Variants in UGGT2 observed in about 807,000 individuals in gnomAD.
UGGT2 encodes the protein UDP-glucose glycoprotein glucosyltransferase 2.
In UGGT2, 180 loss-of-function variants were observed where a neutral mutation model predicts 192.1. The observed-to-expected ratio is 0.94, with a 90% CI of 0.83 to 1.06. The LOEUF is 1.06. UGGT2 is among the 50% of genes least tolerant of loss of function. The pLI is 0.00. For synonymous variants in UGGT2, 580 were observed against 591.0 expected (o/e 0.98, Z 0.27); for missense variants, 1,849 against 1,795.7 (o/e 1.03, Z -0.54).
chr13:95,824,640 T>A (rs1228657908), intron 38 of UGGT2, among the ~76,000 whole-genome samples: 10 of 152,140 alleles, frequency 6.6e-5, no homozygotes, highest in Non-Finnish European at 1.5e-4. Flanking sequence ...AGAGTTCTGA[T>A]TGATTTTTCT....
At chr13:95,957,250 G>A (rs2050237763) in intron 12 of UGGT2, among the ~76,000 whole-genome samples, 1 of 152,238 alleles carries the variant, frequency 6.6e-6, no homozygotes, top group African/African-American at 2.4e-5. Context: ...AAATGGTGGT[G>A]ATGGTTGTAC....
intron 6 of UGGT2, 22 bp from the exon 7 acceptor site, chr13:95,996,157 A>G (rs778747089): frequency 1.9e-6 from 3 of 1,572,380 alleles, no homozygotes; most frequent in Non-Finnish European, 2.6e-6. Flanking sequence ...AAACAAAACC[A>G]AAAAACAACA....
At chr13:95,980,247 C>G (rs2051075241) in intron 10 of UGGT2, among the ~76,000 whole-genome samples, 1 of 152,066 alleles carries the variant, frequency 6.6e-6, no homozygotes, top group African/African-American at 2.4e-5. Flanking sequence ...GCCCAAATAC[C>G]CTATACATAC....
rs549782309 is a variant in UGGT2, at chr13:96,009,991, TAAC to T, written c.660+3313_660+3315del. Among the ~76,000 whole-genome samples the T allele has an allele frequency of 5.1e-4, 78 of 152,030 alleles. 1 individual carries two copies. Among genetic ancestry groups the T allele is most frequent in the African/African-American group, 1.8e-3 (73 of 41,488 alleles). ...TGGCTACTATTAAAAAGTCAAAAAATAACAAGATTCTGGTGAGGTTGCAGAAAA... is the reference window on the plus strand; with the variant it reads ...TGGCTACTATTAAAAAGTCAAAAAATAAGATTCTGGTGAGGTTGCAGAAAA... On this transcript the variant is annotated intron_variant, in intron 5 of 38. Coordinates refer to ENST00000376747, the MANE Select transcript of UGGT2 (RefSeq NM_020121.4).
chr13:96,020,527 T>C (rs2139107423), intron 4 of UGGT2, among the ~76,000 whole-genome samples: 1 of 152,234 alleles, frequency 6.6e-6, no homozygotes, highest in East Asian at 1.9e-4. Flanking sequence ...AAAATACCAA[T>C]ACCAGTTATA....
intron 30 of UGGT2, among the ~76,000 whole-genome samples, chr13:95,864,441 A>G (rs1324678723): frequency 1.3e-5 from 2 of 152,122 alleles, no homozygotes; most frequent in Non-Finnish European, 2.9e-5. Context: ...CTAAAACTCT[A>G]TTTCCTCTGT....
At position 95,949,712 on chromosome 13, in the gene UGGT2, G is replaced by A. The variant is rs370270195; in HGVS notation, c.1336-258C>T. 1.5e-3 allele frequency among the ~76,000 whole-genome samples: 226 copies of A among 151,980 alleles called. 1 individual carries two copies. Among genetic ancestry groups the A allele is most frequent in the Non-Finnish European group, 2.7e-3 (184 of 67,986 alleles). The stretch of plus-strand genomic sequence containing the variant: ...TTGTGTTTGTTTTTCATATCCCAAC[G>A]TAAAATTGTATGAAAATTACTCTCC... On this transcript the variant is annotated intron_variant, in intron 12 of 38. Transcript: ENST00000376747.
chr13:95,802,500 A>G (rs1448953848), intron 38 of UGGT2, among the ~76,000 whole-genome samples: 1 of 152,242 alleles, frequency 6.6e-6, no homozygotes, highest in Non-Finnish European at 1.5e-5. Flanking sequence ...AGGAAAAACA[A>G]TAATGAGAAC....
intron 10 of UGGT2, among the ~76,000 whole-genome samples, chr13:95,978,569 C>G (rs937141287): frequency 2.6e-5 from 4 of 152,122 alleles, no homozygotes; most frequent in Non-Finnish European, 5.9e-5. Context: ...GTTGCCTGTG[C>G]TTTTCAGTTC....
intron 15 of UGGT2, 74 bp from the exon 16 acceptor site, chr13:95,940,165 GA>G (rs2049619132): frequency 1.1e-5 from 13 of 1,180,404 alleles, no homozygotes; most frequent in Non-Finnish European, 9.1e-6. Context: ...TTAGCATGCA[GA>G]TAGATTTTTA....
intron 34 of UGGT2, among the ~76,000 whole-genome samples, chr13:95,855,497 G>GTTTT (rs555723276): frequency 1.6e-5 from 2 of 124,572 alleles, no homozygotes; most frequent in Non-Finnish European, 1.7e-5. Context: ...GGCCTTGGGT[G>GTTTT]TTTTTTTTTT....
intron 27 of UGGT2, among the ~76,000 whole-genome samples, chr13:95,879,286 A>G (rs1286203027): frequency 1.3e-5 from 2 of 152,216 alleles, no homozygotes; most frequent in African/African-American, 4.8e-5. Context: ...TATTTATATA[A>G]CAGACTTCAA....
chr13:95,823,631 C>T (rs1196128765), intron 38 of UGGT2, among the ~76,000 whole-genome samples: 1 of 151,880 alleles, frequency 6.6e-6, no homozygotes, highest in Non-Finnish European at 1.5e-5. Context: ...ATCCCTTTAC[C>T]TTGAATTTAT....
chr13:95,891,626 T>C (rs1339609870), intron 24 of UGGT2, among the ~76,000 whole-genome samples: 1 of 152,188 alleles, frequency 6.6e-6, no homozygotes, highest in Non-Finnish European at 1.5e-5. Flanking sequence ...AAGTTAATCA[T>C]GTATATTTGA....
At chr13:96,027,222 G>GA (rs1274226077) in intron 2 of UGGT2, among the ~76,000 whole-genome samples, 1 of 152,132 alleles carries the variant, frequency 6.6e-6, no homozygotes, top group Non-Finnish European at 1.5e-5. Context: ...GTCACCCAGG[G>GA]AAGCAGAGAA....
intron 8 of UGGT2, among the ~76,000 whole-genome samples, chr13:95,986,799 T>C (rs2051304449): frequency 6.6e-6 from 1 of 152,108 alleles, no homozygotes; most frequent in African/African-American, 2.4e-5. Context: ...GAGCCAATTC[T>C]GAAAAGACCT....
At chr13:95,815,119 C>T (rs974678171) in intron 38 of UGGT2, among the ~76,000 whole-genome samples, 1 of 152,142 alleles carries the variant, frequency 6.6e-6, no homozygotes, top group South Asian at 2.1e-4. Flanking sequence ...CTAACATCAT[C>T]CATAATGGTC....
chr13:95,943,212 A>G (rs369458444), intron 15 of UGGT2, among the ~76,000 whole-genome samples: 3 of 152,110 alleles, frequency 2.0e-5, no homozygotes, highest in African/African-American at 7.2e-5. Flanking sequence ...TTAAAATAAA[A>G]CATCACATTT....
chr13:95,826,264 G>A (rs539255248), intron 38 of UGGT2, among the ~76,000 whole-genome samples: 6 of 151,966 alleles, frequency 3.9e-5, no homozygotes, highest in Admixed American at 1.3e-4. Flanking sequence ...TTATCTTAAC[G>A]GGGAAACATA....
Sources: gnomAD v4.1 joint callset for allele counts (sites outside exome capture counted in the v4.1 genomes callset) on GRCh38, gnomAD v4.1.1 for gene constraint, MANE v1.5 for transcripts, NCBI Gene and HGNC (gene_info 2026-07-23, HGNC 2026-07-21) for gene names.